The following CCDC180 variants were observed in gnomAD, a reference collection of about 807,000 sequenced individuals.
CCDC180 encodes coiled-coil domain containing 180.
A neutral mutation model predicts 209.2 loss-of-function variants in CCDC180; 154 were observed. That is an observed-to-expected ratio of 0.74 (90% CI 0.65 to 0.84). The LOEUF is 0.84. Among genes scored for constraint, CCDC180 ranks in the 40% least tolerant of loss-of-function variants. The pLI is 0.00. For missense variants in CCDC180, 1,874 were observed against 1,997.3 expected (o/e 0.94, Z 1.18); for synonymous variants, 778 against 749.1 (o/e 1.04, Z -0.63).
chr9:97,322,773 C>T (rs1833400528), intron 11 of CCDC180, 60 bp from the exon 12 acceptor site: 9 of 1,438,100 alleles, frequency 6.3e-6, no homozygotes, highest in Admixed American at 5.0e-5. Context: ...AAAGGGGACA[C>T]TCCCCTTTCT....
At chr9:97,367,165 T>A (rs1826946752) in intron 31 of CCDC180, among the ~76,000 whole-genome samples, 1 of 152,170 alleles carries the variant, frequency 6.6e-6, no homozygotes, top group South Asian at 2.1e-4. Context: ...TTTACTTTCA[T>A]GAGAATAGAA....
At position 97,312,246 on chromosome 9, in the gene CCDC180, A is replaced by T. The variant is rs1833011570; in HGVS notation, c.349+45A>T. ...CAAGGCAGGCCTGTCCTGGGCCAGGATGAGACCTGGGCAGGAGGTGGGGAC... is the reference window on the plus strand; with the variant it reads ...CAAGGCAGGCCTGTCCTGGGCCAGGTTGAGACCTGGGCAGGAGGTGGGGAC... On this transcript the variant is annotated intron_variant, in intron 4 of 36. Coordinates refer to ENST00000529487, the MANE Select transcript of CCDC180 (RefSeq NM_020893.6). 3 of 1,544,152 alleles carry T rather than the reference A, an allele frequency of 1.9e-6. No individual in the cohort carries two copies. The East Asian group carries it at 6.7e-5, about 35-fold the overall frequency.
In CCDC180 at chr9:97,328,161, A is replaced by T; in HGVS notation, c.1788+15A>T. 6.2e-7 allele frequency: 1 copy of T among 1,611,534 alleles called. No homozygotes were observed. The highest frequency in any genetic ancestry group is 8.5e-7 in the Non-Finnish European group (1 of 1,178,644). On this transcript the variant is annotated intron_variant, in intron 16 of 36. Transcript: ENST00000529487. ...TCTTTGAACAGGTATGGAGAGGGTG[A>T]TGATACACCCAGCCACTCATGAAGA...
chr9:97,321,038 G>A (rs905379876), intron 11 of CCDC180, among the ~76,000 whole-genome samples: 13 of 152,156 alleles, frequency 8.5e-5, no homozygotes, highest in Admixed American at 2.0e-4. Flanking sequence ...GCTGGGCAAC[G>A]GTGACAAGCT....
chr9:97,320,325 C>T (rs1484375356), intron 11 of CCDC180, 120 bp downstream of exon 11: 6 of 946,648 alleles, frequency 6.3e-6, no homozygotes, highest in South Asian at 2.8e-5. Context: ...GGGGGTGTGG[C>T]AGGAAAAGTG....
intron 18 of CCDC180, among the ~76,000 whole-genome samples, chr9:97,331,941 C>T (rs1825766021): frequency 6.6e-6 from 1 of 152,196 alleles, no homozygotes; most frequent in South Asian, 2.1e-4. Context: ...GTCGCAATTG[C>T]TTTTGGCATC....
intron 10 of CCDC180, among the ~76,000 whole-genome samples, chr9:97,318,953 C>G (rs1382279374): frequency 6.6e-6 from 1 of 152,100 alleles, no homozygotes; most frequent in Non-Finnish European, 1.5e-5. Flanking sequence ...AGGTATGTGT[C>G]AGAGGCATCT....
At chr9:97,323,341 G>T (rs573522421) in intron 12 of CCDC180, among the ~76,000 whole-genome samples, 5 of 151,898 alleles carry the variant, frequency 3.3e-5, no homozygotes, top group Non-Finnish European at 5.9e-5. Context: ...ATTGCAATGC[G>T]CCCCCTTCAT....
At chr9:97,340,642 G>A (rs912067531) in intron 18 of CCDC180, among the ~76,000 whole-genome samples, 3 of 152,208 alleles carry the variant, frequency 2.0e-5, no homozygotes, top group African/African-American at 7.2e-5. Flanking sequence ...AAGATTGCAA[G>A]CCTTCTGTTA....
rs905429035 is a variant in CCDC180 at position 97,377,065 on chromosome 9, G to A, written c.*171G>A. 3.4e-6 allele frequency: 2 copies of A among 587,322 alleles called. No homozygotes were observed. The highest frequency in any genetic ancestry group is 7.2e-5 in the East Asian group (2 of 27,710). 36.4% of individuals were successfully genotyped at this position (587,322 alleles called of 1,614,324 possible). ...AGGACACAGCATGGTCCCTGCCCACGTGGAGCCCTCTTCCCATGAGGAAGG... is the reference window on the plus strand; with the variant it reads ...AGGACACAGCATGGTCCCTGCCCACATGGAGCCCTCTTCCCATGAGGAAGG... On this transcript the variant is annotated 3_prime_UTR_variant, in exon 37 of 37. Coordinates refer to ENST00000529487, the MANE Select transcript of CCDC180 (RefSeq NM_020893.6).
intron 3 of CCDC180, among the ~76,000 whole-genome samples, chr9:97,311,150 G>A (rs1166769182): frequency 6.6e-6 from 1 of 152,180 alleles, no homozygotes; most frequent in African/African-American, 2.4e-5. Context: ...TACCAGCCCA[G>A]GCCAGGGGGT....
chr9:97,375,602 G>A lies in CCDC180; in HGVS notation c.4842+13G>A. 1.9e-6 allele frequency: 3 copies of A among 1,614,158 alleles called. No individual in the cohort carries two copies. Among genetic ancestry groups the A allele is most frequent in the Non-Finnish European group, 2.5e-6 (3 of 1,180,040 alleles). On this transcript the variant is annotated intron_variant, in intron 36 of 36. Transcript: ENST00000529487. ...TGCTGTGTACCTGGTGAGACAGGGT[G>A]GAGTGGGCGTGTCCCAGGGAGCACA...
chr9:97,307,471 C>T, upstream of CCDC180: 2 of 589,572 alleles, frequency 3.4e-6, no homozygotes, highest in East Asian at 3.0e-5. Flanking sequence ...GTCTACTTGG[C>T]GGGCTAGGGA....
chr9:97,357,934 C>T (rs1826629515), intron 25 of CCDC180: 2 of 475,964 alleles, frequency 4.2e-6, no homozygotes, highest in African/African-American at 4.0e-5. Flanking sequence ...ACCTCCAACC[C>T]CTCCCAGGCA....
intron 12 of CCDC180, 40 bp downstream of exon 12, chr9:97,322,961 G>A: frequency 6.4e-7 from 1 of 1,566,438 alleles, no homozygotes; most frequent in Non-Finnish European, 8.8e-7. Context: ...AGGAATCCTG[G>A]GCAGGACCTG....
At position 97,343,362 on chromosome 9, in the gene CCDC180, T is replaced by A; in HGVS notation, c.2297T>A (p.Leu766Gln). ...TAGGAAGAAGACAAGGAAGAGGGTCTAGAGGAGATATACTATGAGGACATG... is the reference window on the plus strand; with the variant it reads ...TAGGAAGAAGACAAGGAAGAGGGTCAAGAGGAGATATACTATGAGGACATG... ...VGEEEDKEEG[L>Q]EEIYYEDMES... Residue 766 changes from leucine (L) to glutamine (Q), a missense_variant, in exon 19 of 37, where the codon CTA becomes CAA. Leu to Gln is a moderately radical substitution (Grantham distance 113). Transcript: ENST00000529487. The A allele has an allele frequency of 6.2e-7, 1 of 1,611,328 alleles. No homozygotes were observed. The highest frequency in any genetic ancestry group is 1.7e-5 in the Admixed American group (1 of 60,022).
Position 97,314,480 on chromosome 9 carries a change from A to G in CCDC180, c.547A>G (p.Lys183Glu), listed in dbSNP as rs545224195. 10 of 1,614,102 alleles carry G rather than the reference A, an allele frequency of 6.2e-6. No homozygotes were observed. In the East Asian group the frequency reaches 1.1e-4, roughly 18 times the overall value. Residue 183 changes from lysine (K) to glutamate (E), a missense_variant, in exon 6 of 37, where the codon AAG becomes GAG. Transcript: ENST00000529487. ...TGAAGAAATGAACCGTCTCTTCCTA[A>G]AGGTGGAAAATGACACCAACCTTGA... Reference protein sequence around the residue: ...SDEEMNRLFLKVENDTNLEDY... With the variant: ...SDEEMNRLFLEVENDTNLEDY...
intron 13 of CCDC180, among the ~76,000 whole-genome samples, chr9:97,324,456 AT>A (rs569518942): frequency 3.3e-5 from 5 of 152,218 alleles, no homozygotes; most frequent in Non-Finnish European, 7.3e-5. Context: ...TTTTCCAGCC[AT>A]TTTAAAACTG....
chr9:97,319,156 A>G (rs1030338479), intron 10 of CCDC180, among the ~76,000 whole-genome samples: 1 of 152,174 alleles, frequency 6.6e-6, no homozygotes, highest in African/African-American at 2.4e-5. Flanking sequence ...AGGTGAGGGG[A>G]AGAAGCACAT....
Sources: gnomAD v4.1 joint callset for allele counts (sites outside exome capture counted in the v4.1 genomes callset) on GRCh38, gnomAD v4.1.1 for gene constraint, MANE v1.5 for transcripts, NCBI Gene and HGNC (gene_info 2026-07-23, HGNC 2026-07-21) for gene names.